The following LRMDA variants were observed in gnomAD, a reference collection of about 807,000 sequenced individuals.
The protein encoded by LRMDA is leucine rich melanocyte differentiation associated.
Under a neutral mutation model 29.8 loss-of-function variants are expected in LRMDA, and 18 were observed. That is an observed-to-expected ratio of 0.60 (90% confidence interval 0.42 to 0.90). The LOEUF is 0.90. LRMDA is among the 40% of genes least tolerant of loss of function. The probability of loss-of-function intolerance (pLI) is 0.00; values close to 1 mark genes in which losing one functional copy is unlikely to be tolerated. For missense variants in LRMDA, 273 were observed against 273.9 expected (o/e 1.00, Z 0.02); for synonymous variants, 125 against 109.4 (o/e 1.14, Z -0.89).
chr10:76,220,954 A>G (rs1166789940), intron 5 of LRMDA, among the ~76,000 whole-genome samples: 2 of 152,034 alleles, frequency 1.3e-5, no homozygotes, highest in African/African-American at 2.4e-5. Context: ...CTGGGATGCA[A>G]GGCTGGTTCA....
intron 2 of LRMDA, among the ~76,000 whole-genome samples, chr10:75,789,914 A>G (rs1354637981): frequency 6.6e-6 from 1 of 152,100 alleles, no homozygotes; most frequent in African/African-American, 2.4e-5. Flanking sequence ...ATTCATAGGG[A>G]TGGACAATAA....
intron 2 of LRMDA, among the ~76,000 whole-genome samples, chr10:75,799,730 G>C (rs1258086937): frequency 4.7e-5 from 7 of 148,990 alleles, no homozygotes; most frequent in Non-Finnish European, 8.9e-5. Context: ...GTGTTTAGTA[G>C]AGACGGGGTT....
Position 76,095,944 on chromosome 10 carries a change from GA to G in LRMDA, c.516+37176del, listed in dbSNP as rs759972561. Among the ~76,000 whole-genome samples, 215 of 127,882 alleles carry G rather than the reference GA, an allele frequency of 1.7e-3. 2 individuals are homozygous for G. The highest frequency in any genetic ancestry group is 4.2e-3 in the Middle Eastern group (1 of 236). The allele number at this position is 127,882 out of a possible 152,430, so 83.9% of individuals were successfully genotyped here. ...TGGGAGACAGCGAGACTCCGTCTCA[GA>G]AAAAAAAAAAAAAAGTGGGTTGTTT... is the stretch of plus-strand genomic sequence containing the variant. On this transcript the variant is annotated intron_variant, in intron 5 of 6. Coordinates refer to ENST00000611255, the MANE Select transcript of LRMDA (RefSeq NM_001305581.2).
chr10:76,543,470 C>T (rs1355506708), intron 6 of LRMDA, among the ~76,000 whole-genome samples: 1 of 152,132 alleles, frequency 6.6e-6, no homozygotes, highest in Non-Finnish European at 1.5e-5. Context: ...TGAAAGCCAT[C>T]ATCATTTTTT....
intron 2 of LRMDA, among the ~76,000 whole-genome samples, chr10:75,539,235 G>A (rs1839987248): frequency 6.6e-6 from 1 of 152,166 alleles, no homozygotes; most frequent in Admixed American, 6.5e-5. Flanking sequence ...TGGAGATGGA[G>A]ACCCTCCATG....
chr10:75,991,058 G>C (rs1847360078), intron 2 of LRMDA, among the ~76,000 whole-genome samples: 1 of 151,904 alleles, frequency 6.6e-6, no homozygotes, highest in South Asian at 2.1e-4. Flanking sequence ...AAACAGTGTA[G>C]ACTTAGAATT....
At chr10:75,942,911 A>T (rs1280564770) in intron 2 of LRMDA, among the ~76,000 whole-genome samples, 2 of 151,962 alleles carry the variant, frequency 1.3e-5, no homozygotes, top group Non-Finnish European at 2.9e-5. Context: ...ATGAGTCTGG[A>T]TTTGTGTGGG....
At chr10:75,802,573 C>G (rs1298869600) in intron 2 of LRMDA, among the ~76,000 whole-genome samples, 1 of 151,842 alleles carries the variant, frequency 6.6e-6, no homozygotes, top group Non-Finnish European at 1.5e-5. Context: ...AAGGCAGTAT[C>G]TTTGGTAGAG....
At chr10:75,594,958 G>A (rs1002804852) in intron 2 of LRMDA, among the ~76,000 whole-genome samples, 2 of 152,040 alleles carry the variant, frequency 1.3e-5, no homozygotes, top group African/African-American at 2.4e-5. Context: ...GATGAAAAAG[G>A]CTGATTTAGT....
intron 2 of LRMDA, among the ~76,000 whole-genome samples, chr10:75,815,548 C>G (rs767705668): frequency 6.6e-6 from 1 of 152,102 alleles, no homozygotes; most frequent in Non-Finnish European, 1.5e-5. Flanking sequence ...CATTTAAGAC[C>G]TAGTAAATGG....
At chr10:75,940,953 T>C (rs776282257) in intron 2 of LRMDA, among the ~76,000 whole-genome samples, 5 of 152,124 alleles carry the variant, frequency 3.3e-5, no homozygotes, top group Non-Finnish European at 5.9e-5. Context: ...CCTCTCTGGG[T>C]AACAAACACA....
At chr10:76,268,212 G>A (rs969547787) in intron 5 of LRMDA, among the ~76,000 whole-genome samples, 1 of 152,202 alleles carries the variant, frequency 6.6e-6, no homozygotes, top group African/African-American at 2.4e-5. Context: ...GAGTCAATTA[G>A]TAGGTTCAAG....
At chr10:75,933,196 C>A (rs1178319740) in intron 2 of LRMDA, among the ~76,000 whole-genome samples, 1 of 152,074 alleles carries the variant, frequency 6.6e-6, no homozygotes, top group Non-Finnish European at 1.5e-5. Flanking sequence ...CACCTTCAAG[C>A]AAATAATCAG....
At chr10:76,046,464 A>G (rs1848440174) in intron 3 of LRMDA, among the ~76,000 whole-genome samples, 1 of 151,928 alleles carries the variant, frequency 6.6e-6, no homozygotes, top group Non-Finnish European at 1.5e-5. Flanking sequence ...GGCCTTCTGA[A>G]ATAATTTCTG....
intron 2 of LRMDA, among the ~76,000 whole-genome samples, chr10:75,618,870 C>T (rs556319753): frequency 1.3e-5 from 2 of 151,108 alleles, no homozygotes; most frequent in East Asian, 2.0e-4. Context: ...TTTGCCTTTG[C>T]CTCCCAGGTT....
At chr10:75,847,389 G>A (rs1039750893) in intron 2 of LRMDA, among the ~76,000 whole-genome samples, 1 of 146,980 alleles carries the variant, frequency 6.8e-6, no homozygotes, top group Admixed American at 6.9e-5. Flanking sequence ...TACTCTTAGG[G>A]TCTAAAACTA....
At chr10:75,492,214 A>G (rs1844996908) in intron 2 of LRMDA, among the ~76,000 whole-genome samples, 1 of 152,192 alleles carries the variant, frequency 6.6e-6, no homozygotes, top group Non-Finnish European at 1.5e-5. Flanking sequence ...TTTTGCTGAA[A>G]GTTTAATAGG....
intron 6 of LRMDA, among the ~76,000 whole-genome samples, chr10:76,477,237 A>G (rs1842683999): frequency 6.6e-6 from 1 of 152,064 alleles, no homozygotes; most frequent in Non-Finnish European, 1.5e-5. Context: ...AAAAATCACA[A>G]GCATTCTTAT....
intron 2 of LRMDA, among the ~76,000 whole-genome samples, chr10:76,011,168 C>T (rs1157974251): frequency 2.6e-5 from 4 of 152,110 alleles, no homozygotes; most frequent in Non-Finnish European, 4.4e-5. Flanking sequence ...TTAGTGGCAT[C>T]CCACACTAAT....
Sources: gnomAD v4.1 joint callset for allele counts (sites outside exome capture counted in the v4.1 genomes callset) on GRCh38, gnomAD v4.1.1 for gene constraint, MANE v1.5 for transcripts, NCBI Gene and HGNC (gene_info 2026-07-23, HGNC 2026-07-21) for gene names.